The following ABCA13 variants were observed in gnomAD, a reference collection of about 807,000 sequenced individuals.
ABCA13 encodes the protein ATP-binding cassette sub-family A member 13.
Under a neutral mutation model 478.7 loss-of-function variants are expected in ABCA13, and 476 were observed. The ratio of observed to expected loss-of-function variants is 0.99; its 90% CI spans 0.92 to 1.07. ABCA13 has a LOEUF of 1.07. Among genes scored for constraint, ABCA13 ranks in the 50% least tolerant of loss-of-function variants. The pLI, the probability that ABCA13 is intolerant of heterozygous loss-of-function variation, is 0.00. For synonymous variants in ABCA13, 2,252 were observed against 2,158.9 expected (o/e 1.04, Z -1.20); for missense variants, 6,060 against 5,910.6 (o/e 1.03, Z -0.83).
intron 48 of ABCA13, 118 bp from the exon 49 acceptor site, chr7:48,506,217 TG>T: frequency 9.1e-7 from 1 of 1,096,580 alleles, no homozygotes; most frequent in Non-Finnish European, 1.3e-6. Flanking sequence ...GACCAGGGCC[TG>T]GGCAAAGCAA....
At chr7:48,281,899 T>C (rs547483367) in intron 19 of ABCA13, among the ~76,000 whole-genome samples, 9 of 152,334 alleles carry the variant, frequency 5.9e-5, no homozygotes, top group South Asian at 2.1e-4. Flanking sequence ...TTTTTGAAGA[T>C]AGAAACTGTG....
intron 10 of ABCA13, 41 bp downstream of exon 10, chr7:48,241,107 G>T: frequency 3.7e-6 from 6 of 1,604,714 alleles, no homozygotes; most frequent in Non-Finnish European, 4.3e-6. Context: ...TTAGGTAGAT[G>T]ACACAGAATG....
chr7:48,528,786 C>T (rs901802527), intron 55 of ABCA13, among the ~76,000 whole-genome samples: 1 of 152,104 alleles, frequency 6.6e-6, no homozygotes, highest in Non-Finnish European at 1.5e-5. Context: ...GGTCATGACT[C>T]CTTCAGGGTG....
At chr7:48,218,673 T>C (rs1456980782) in intron 3 of ABCA13, among the ~76,000 whole-genome samples, 4 of 152,218 alleles carry the variant, frequency 2.6e-5, no homozygotes, top group Non-Finnish European at 5.9e-5. Flanking sequence ...TGCTTGCTTT[T>C]AGCAAATTCA....
At chr7:48,472,748 T>C (rs1827638364) in intron 45 of ABCA13, among the ~76,000 whole-genome samples, 1 of 152,160 alleles carries the variant, frequency 6.6e-6, no homozygotes, top group African/African-American at 2.4e-5. Context: ...GGACTAGGTG[T>C]GTCATTTCCA....
rs750465472 is a variant in ABCA13, at chr7:48,279,093, T to A, written c.7899T>A (p.Asp2633Glu). The A allele has an allele frequency of 6.2e-7, 1 of 1,612,264 alleles. No individual in the cohort carries two copies. Among genetic ancestry groups the A allele is most frequent in the South Asian group, 1.1e-5 (1 of 91,016 alleles). Residue 2633 changes from aspartate (D) to glutamate (E), a missense_variant, in exon 18 of 62, where the codon GAT becomes GAA. By Grantham distance (45) the Asp-to-Glu change is conservative. Coordinates refer to ENST00000435803, the MANE Select transcript of ABCA13 (RefSeq NM_152701.5). ...TGAACCAATCTAAGGACTTTTCTGA[T>A]ATTTTGGAAGAAATTGCTGAATTTT... ...SYMNQSKDFS[D>E]ILEEIAEFLT...
At chr7:48,310,977 C>T in intron 24 of ABCA13, among the ~76,000 whole-genome samples, 1 of 152,274 alleles carries the variant, frequency 6.6e-6, no homozygotes, top group East Asian at 1.9e-4. Flanking sequence ...CTGGCCTCTA[C>T]TGTTTGAATC....
intron 56 of ABCA13, among the ~76,000 whole-genome samples, chr7:48,580,827 C>G (rs1788634410): frequency 6.6e-6 from 1 of 151,856 alleles, no homozygotes; most frequent in African/African-American, 2.4e-5. Flanking sequence ...CGGACAGATT[C>G]CTCCTGCCAG....
At chr7:48,381,148 C>T (rs1814307254) in intron 35 of ABCA13, among the ~76,000 whole-genome samples, 1 of 152,152 alleles carries the variant, frequency 6.6e-6, no homozygotes, top group Non-Finnish European at 1.5e-5. Flanking sequence ...TGTGGTGTGT[C>T]ATGCCTCCTT....
At chr7:48,261,639 ACTTTTT>A (rs1164328532) in intron 15 of ABCA13, among the ~76,000 whole-genome samples, 1 of 151,720 alleles carries the variant, frequency 6.6e-6, no homozygotes, top group Non-Finnish European at 1.5e-5. Flanking sequence ...ATTTTTGAGA[ACTTTTT>A]CTTATTCTAA....
chr7:48,302,591 G>T (rs1312282207), intron 23 of ABCA13, among the ~76,000 whole-genome samples: 1 of 152,126 alleles, frequency 6.6e-6, no homozygotes, highest in Non-Finnish European at 1.5e-5. Context: ...GTGAGAATTT[G>T]CAGTATTTCA....
At chr7:48,486,950 G>GA (rs1829361263) in intron 47 of ABCA13, among the ~76,000 whole-genome samples, 1 of 152,190 alleles carries the variant, frequency 6.6e-6, no homozygotes, top group Non-Finnish European at 1.5e-5. Context: ...GGGAGGGCAT[G>GA]AAAGTCATAT....
At chr7:48,233,408 G>A (rs989731874) in intron 7 of ABCA13, among the ~76,000 whole-genome samples, 5 of 152,106 alleles carry the variant, frequency 3.3e-5, no homozygotes, top group Admixed American at 3.3e-4. Context: ...GTCATACCTT[G>A]GGGGTCTTCG....
chr7:48,576,783 A>G (rs967504961), intron 55 of ABCA13, among the ~76,000 whole-genome samples: 6 of 152,180 alleles, frequency 3.9e-5, no homozygotes, highest in African/African-American at 1.4e-4. Context: ...GACAGCCACC[A>G]GTAAGCACAA....
intron 42 of ABCA13, among the ~76,000 whole-genome samples, chr7:48,438,374 A>G (rs146490305): frequency 1.2e-3 from 190 of 152,166 alleles, no homozygotes; most frequent in African/African-American, 4.2e-3. Flanking sequence ...GAGCTCTTGT[A>G]AAGTTGTTTT....
chr7:48,527,485 G>T (rs557230548), intron 54 of ABCA13, among the ~76,000 whole-genome samples: 8 of 152,286 alleles, frequency 5.3e-5, no homozygotes, highest in African/African-American at 1.9e-4. Flanking sequence ...GAACCAGAGA[G>T]ACACTGTCAC....
At chr7:48,534,810 C>A (rs531137169) in intron 55 of ABCA13, among the ~76,000 whole-genome samples, 35 of 152,206 alleles carry the variant, frequency 2.3e-4, no homozygotes, top group South Asian at 1.0e-3. Flanking sequence ...CTGAGACTTT[C>A]CAGTGCGTGT....
At chr7:48,295,656 T>G (rs1799250696) in intron 20 of ABCA13, 44 bp from the exon 21 acceptor site, 1 of 1,607,356 alleles carries the variant, frequency 6.2e-7, no homozygotes. Context: ...ATCTTACAGA[T>G]AAGTATGTGT....
intron 50 of ABCA13, 122 bp from the exon 51 acceptor site, chr7:48,510,962 T>A (rs552699697): frequency 3.8e-6 from 3 of 798,670 alleles, no homozygotes; most frequent in Non-Finnish European, 6.1e-6. Context: ...GCTACAGAAC[T>A]CCTAATGTGC....
Sources: gnomAD v4.1 joint callset for allele counts (sites outside exome capture counted in the v4.1 genomes callset) on GRCh38, gnomAD v4.1.1 for gene constraint, MANE v1.5 for transcripts, NCBI Gene and HGNC (gene_info 2026-07-23, HGNC 2026-07-21) for gene names.